INPP5F: variants seen among roughly 807,000 people sequenced by gnomAD.
INPP5F encodes phosphatidylinositide 4-phosphatase SAC2.
In INPP5F, 97 loss-of-function variants were observed where a neutral mutation model predicts 137.2. The observed-to-expected ratio is 0.71, with a 90% confidence interval of 0.60 to 0.84. INPP5F has a LOEUF of 0.84. INPP5F is among the 40% of genes least tolerant of loss of function. The pLI, the probability that INPP5F is intolerant of heterozygous loss-of-function variation, is 0.00. For missense variants in INPP5F, 1,271 were observed against 1,371.9 expected (o/e 0.93, Z 1.16); for synonymous variants, 504 against 476.9 (o/e 1.06, Z -0.74).
chr10:119,778,527 G>A (rs1849599615), intron 2 of INPP5F, among the ~76,000 whole-genome samples: 1 of 151,978 alleles, frequency 6.6e-6, no homozygotes, highest in Admixed American at 6.5e-5. Context: ...GTAGAAATTT[G>A]GATTGGAAAG....
intron 1 of INPP5F, among the ~76,000 whole-genome samples, chr10:119,747,008 C>T (rs556732649): frequency 2.6e-5 from 4 of 152,008 alleles, no homozygotes; most frequent in Admixed American, 6.5e-5. Flanking sequence ...AGGCTGGTCT[C>T]GAACTCCTGA....
chr10:119,783,952 G>C (rs1849790405), intron 3 of INPP5F, among the ~76,000 whole-genome samples: 1 of 152,138 alleles, frequency 6.6e-6, no homozygotes, highest in Non-Finnish European at 1.5e-5. Flanking sequence ...TCAGTGAATA[G>C]TTTGGTACAC....
chr10:119,781,145 A>G (rs752847109), intron 2 of INPP5F, among the ~76,000 whole-genome samples: 10 of 152,184 alleles, frequency 6.6e-5, no homozygotes, highest in African/African-American at 1.4e-4. Context: ...TCCAGTGTTT[A>G]TTGTAATTAT....
Position 119,732,481 on chromosome 10 carries a change from C to CTTTTCTT in INPP5F, c.97+6141_97+6147dup, listed in dbSNP as rs71482612. ...AATAACAGCTTTTATTTCTTGAGCA[C>CTTTTCTT]TTTTCTTTTTTCTTTTTTCTTTTTT... On this transcript the variant is annotated intron_variant, in intron 1 of 19. Transcript: ENST00000650623. 3.7e-3 allele frequency among the ~76,000 whole-genome samples: 471 copies of CTTTTCTT among 128,396 alleles called. 3 individuals are homozygous for CTTTTCTT. Among genetic ancestry groups the CTTTTCTT allele is most frequent in the Non-Finnish European group, 5.5e-3 (332 of 60,448 alleles). The allele number at this position is 128,396 out of a possible 152,430, so 84.2% of individuals were successfully genotyped here.
intron 14 of INPP5F, among the ~76,000 whole-genome samples, chr10:119,810,463 T>C (rs186401641): frequency 3.3e-5 from 5 of 152,284 alleles, no homozygotes; most frequent in African/African-American, 1.2e-4. Context: ...ACTCAGGTAA[T>C]AGAAAGCAGG....
chr10:119,753,074 T>C (rs1014373749), intron 2 of INPP5F, among the ~76,000 whole-genome samples: 2 of 152,224 alleles, frequency 1.3e-5, no homozygotes, highest in East Asian at 3.8e-4. Flanking sequence ...TGAGTAACCA[T>C]GTAACCAAGT....
rs1253333993 is a variant in INPP5F, at chr10:119,829,033, TTA to T, written c.*1255_*1256del. 6.6e-6 allele frequency: 1 copy of T among 152,636 alleles called. No homozygotes were observed. Among genetic ancestry groups the T allele is most frequent in the African/African-American group, 2.4e-5 (1 of 41,456 alleles). 9.5% of individuals were successfully genotyped at this position (152,636 alleles called of 1,614,324 possible). A position where few individuals can be genotyped will look rare whatever the true frequency, so the allele number is the denominator to read the frequency against. On this transcript the variant is annotated 3_prime_UTR_variant, in exon 20 of 20. Coordinates refer to ENST00000650623, the MANE Select transcript of INPP5F (RefSeq NM_014937.4). ...GAAGTGACTGATTCTCAACTGAACATTATGTCGTTACTTTGATAAGCATTCCA... is the reference window on the plus strand; with the variant it reads ...GAAGTGACTGATTCTCAACTGAACATTGTCGTTACTTTGATAAGCATTCCA...
chr10:119,806,170 C>G (rs568269232), intron 11 of INPP5F, among the ~76,000 whole-genome samples, 190 bp from the exon 12 acceptor site: 3 of 151,340 alleles, frequency 2.0e-5, no homozygotes, highest in Non-Finnish European at 4.4e-5. Context: ...AGGATAATAT[C>G]TTCCTTGCTA....
At position 119,791,907 on chromosome 10, in the gene INPP5F, A is replaced by G. The variant is rs753497256; in HGVS notation, c.483A>G (p.Arg161=). 6.2e-7 allele frequency: 1 copy of G among 1,612,402 alleles called. No homozygotes were observed. The highest frequency in any genetic ancestry group is 1.1e-5 in the South Asian group (1 of 90,984). ...AAGAGAAGGAGAAGTTGGAGAGGAG[A>G]TTACTTGAAGAGTTGCTGAAGATGT... ...ESKEKEKLER[R]LLEELLKMFM... The change falls in exon 5 of 20, where the codon AGA becomes AGG. Residue 161 remains arginine (R), a synonymous_variant. Coordinates refer to ENST00000650623, the MANE Select transcript of INPP5F (RefSeq NM_014937.4).
intron 19 of INPP5F, among the ~76,000 whole-genome samples, chr10:119,825,139 A>C (rs1851709686): frequency 6.6e-6 from 1 of 152,228 alleles, no homozygotes; most frequent in Admixed American, 6.5e-5. Context: ...CACAGCTATT[A>C]AACTCAATTG....
At chr10:119,814,905 G>A (rs1028077617) in intron 15 of INPP5F, among the ~76,000 whole-genome samples, 5 of 151,722 alleles carry the variant, frequency 3.3e-5, no homozygotes, top group East Asian at 1.9e-4. Context: ...TCGCTCTGTC[G>A]CCCAGGCTGG....
At chr10:119,732,636 G>A (rs2134100349) in intron 1 of INPP5F, among the ~76,000 whole-genome samples, 1 of 151,548 alleles carries the variant, frequency 6.6e-6, no homozygotes, top group African/African-American at 2.4e-5. Flanking sequence ...GAGTAGCTGG[G>A]ACTACAGGCT....
intron 2 of INPP5F, among the ~76,000 whole-genome samples, chr10:119,771,824 C>G (rs2134161234): frequency 8.7e-6 from 1 of 114,714 alleles, no homozygotes; most frequent in East Asian, 2.9e-4. Flanking sequence ...TGTTTATCAT[C>G]CATACTCCAT....
intron 2 of INPP5F, among the ~76,000 whole-genome samples, chr10:119,764,406 G>T (rs1316971570): frequency 6.6e-6 from 1 of 152,070 alleles, no homozygotes; most frequent in African/African-American, 2.4e-5. Context: ...TAAACTGTGT[G>T]GGTTCATGTA....
chr10:119,731,077 G>A (rs1010614262), intron 1 of INPP5F, among the ~76,000 whole-genome samples: 1 of 152,066 alleles, frequency 6.6e-6, no homozygotes, highest in Non-Finnish European at 1.5e-5. Flanking sequence ...ATGAGCCACC[G>A]CGCCTGGCCT....
At chr10:119,809,956 C>G (rs897634397) in intron 13 of INPP5F, 144 bp from the exon 14 acceptor site, 2 of 590,078 alleles carry the variant, frequency 3.4e-6, no homozygotes, top group African/African-American at 3.8e-5. Flanking sequence ...TTTAATTTAA[C>G]TATACTATTT....
chr10:119,772,162 T>C (rs1849386843), intron 2 of INPP5F, among the ~76,000 whole-genome samples: 1 of 151,876 alleles, frequency 6.6e-6, no homozygotes, highest in African/African-American at 2.4e-5. Context: ...CCTCCCAAAG[T>C]GCTGGGATTA....
At chr10:119,819,769 T>C (rs1041892988) in intron 15 of INPP5F, 150 of 367,076 alleles carry the variant, frequency 4.1e-4, no homozygotes, top group Middle Eastern at 1.2e-3. Flanking sequence ...TGTTTTAGAT[T>C]AAGACTGTTG....
chr10:119,756,531 G>A (rs994846876), intron 2 of INPP5F, among the ~76,000 whole-genome samples: 3 of 151,902 alleles, frequency 2.0e-5, no homozygotes, highest in Admixed American at 6.6e-5. Context: ...ACCTACCCGG[G>A]AGGTTGAGGC....
Sources: gnomAD v4.1 joint callset for allele counts (sites outside exome capture counted in the v4.1 genomes callset) on GRCh38, gnomAD v4.1.1 for gene constraint, MANE v1.5 for transcripts, NCBI Gene and HGNC (gene_info 2026-07-23, HGNC 2026-07-21) for gene names.